Variants in AVIL observed in about 807,000 individuals in gnomAD.
The protein encoded by AVIL is advillin.
In AVIL, 78 loss-of-function variants were observed where a neutral mutation model predicts 109.9. That is an observed-to-expected ratio of 0.71 (90% CI 0.59 to 0.86). AVIL has a LOEUF of 0.86. Among genes scored for constraint, AVIL ranks in the 40% least tolerant of loss-of-function variants. AVIL has a pLI of 0.00. For missense variants in AVIL, 892 were observed against 1,016.5 expected (o/e 0.88, Z 1.67); for synonymous variants, 367 against 379.1 (o/e 0.97, Z 0.37).
Position 57,803,532 on chromosome 12 carries a change from A to C in AVIL, c.1809T>G (p.Asn603Lys). 6.2e-7 allele frequency: 1 copy of C among 1,614,168 alleles called. No individual in the cohort carries two copies. The highest frequency in any genetic ancestry group is 8.5e-7 in the Non-Finnish European group (1 of 1,180,036). The change falls in exon 15 of 20, where the codon AAT becomes AAG. Residue 603 changes from asparagine (N) to lysine (K), a missense_variant. Transcript: ENST00000549994. ...DLLGGKTPYA[N>K]DKRLQQEILD... is the part of the protein sequence containing the mutation. ...AGGCTGTGTTCCCATACCTTTTATC[A>C]TTGGCATAGGGAGTTTTCCCTCCCA... is the stretch of plus-strand genomic sequence containing the variant.
intron 9 of AVIL, 92 bp downstream of exon 9, chr12:57,809,505 G>A: frequency 1.4e-6 from 2 of 1,431,442 alleles, no homozygotes; most frequent in Non-Finnish European, 2.0e-6. Context: ...AATGTTATAT[G>A]CTCAAATACC....
At chr12:57,805,512 A>G (rs1180847624) in intron 14 of AVIL, among the ~76,000 whole-genome samples, 2 of 151,278 alleles carry the variant, frequency 1.3e-5, no homozygotes, top group African/African-American at 4.8e-5. Context: ...GATTTCTGCT[A>G]GGTGTAAGCA....
In AVIL at chr12:57,797,543, G is replaced by GGTATA. The variant is rs1392108072; in HGVS notation, c.*334_*338dup. ...AAAATTGAAAACAAAGGTAGGTCCT[G>GGTATA]GTATAATATTAAACATAAAGTTATT... On this transcript the variant is annotated 3_prime_UTR_variant, in exon 20 of 20. Coordinates refer to ENST00000549994, the MANE Select transcript of AVIL (RefSeq NM_006576.4). The GGTATA allele has an allele frequency of 1.1e-6, 1 of 928,686 alleles. No homozygotes were observed. The highest frequency in any genetic ancestry group is 1.3e-6 in the Non-Finnish European group (1 of 777,682). 57.5% of individuals were successfully genotyped at this position (928,686 alleles called of 1,614,324 possible).
chr12:57,813,430 G>T lies in AVIL; in HGVS notation c.142-7C>A, dbSNP rs1956063227. ...GACTGGCCACTCTCCGGGTCTGGGA[G>T]GTAGTCAGAGAGATCAGGTCAGAGG... On this transcript the variant is annotated splice_polypyrimidine_tract_variant and splice_region_variant and intron_variant, in intron 3 of 19. Transcript: ENST00000549994. The T allele has an allele frequency of 3.1e-6, 5 of 1,612,058 alleles. No individual in the cohort carries two copies. In the South Asian group the frequency reaches 5.5e-5, roughly 18 times the overall value.
intron 4 of AVIL, among the ~76,000 whole-genome samples, chr12:57,811,399 A>G (rs1293897705): frequency 6.6e-6 from 1 of 152,244 alleles, no homozygotes; most frequent in African/African-American, 2.4e-5. Context: ...TCCAGGCACT[A>G]TAACAGTGTC....
intron 4 of AVIL, among the ~76,000 whole-genome samples, chr12:57,812,022 A>T (rs1193884359): frequency 6.6e-6 from 1 of 151,046 alleles, no homozygotes; most frequent in African/African-American, 2.4e-5. Context: ...ACAGGGTCTC[A>T]CTCTGTCACT....
At position 57,811,034 on chromosome 12, in the gene AVIL, G is replaced by A. The variant is rs746873798; in HGVS notation, c.432C>T (p.Asn144=). The A allele has an allele frequency of 1.2e-6, 2 of 1,614,212 alleles. No individual in the cohort carries two copies. Among genetic ancestry groups the A allele is most frequent in the Non-Finnish European group, 1.7e-6 (2 of 1,180,042 alleles). ...KRLLHVKGKR[N]IRATEVEMSW... ...CAGGACTAACCTCGGTAGCCCTGAT[G>A]TTTCTTTTCCCTTTCACATGTAGCA... Residue 144 remains asparagine (N), a synonymous_variant, in exon 5 of 20, where the codon AAC becomes AAT. Transcript: ENST00000549994.
intron 4 of AVIL, among the ~76,000 whole-genome samples, chr12:57,811,364 G>C (rs1956035974): frequency 6.6e-6 from 1 of 152,198 alleles, no homozygotes; most frequent in Non-Finnish European, 1.5e-5. Flanking sequence ...CAAGGAAAAT[G>C]AACCAATACC....
In AVIL at chr12:57,799,809, G is replaced by C. The variant is rs1459350300; in HGVS notation, c.2332C>G (p.Pro778Ala). The part of the protein sequence containing the change: ...QNQELPEDVN[P>A]AKKENYLSEQ... ...CAGCCACTCACCTCCTTTTTGGCAG[G>C]GTTTACATCCTCAGGCAGCTCCTGA... is the stretch of plus-strand genomic sequence containing the variant. Residue 778 changes from proline to alanine, a missense_variant, in exon 19 of 20, where the codon CCT becomes GCT. Coordinates refer to ENST00000549994, the MANE Select transcript of AVIL (RefSeq NM_006576.4). The C allele has an allele frequency of 1.9e-6, 3 of 1,613,890 alleles. No homozygotes were observed. The highest frequency in any genetic ancestry group is 4.5e-5 in the East Asian group (2 of 44,886).
intron 16 of AVIL, chr12:57,802,801 T>G (rs1172477408): frequency 5.2e-6 from 3 of 572,562 alleles, no homozygotes; most frequent in Non-Finnish European, 6.1e-6. Flanking sequence ...GCTGACCAAC[T>G]TTACCTCCTA....
intron 18 of AVIL, chr12:57,800,421 C>G (rs1955822707): frequency 6.5e-6 from 1 of 153,346 alleles, no homozygotes; most frequent in South Asian, 2.0e-4. Context: ...CTGCTGGATT[C>G]CTGGCTAGAG....
chr12:57,808,523 G>C lies in AVIL; in HGVS notation c.965C>G (p.Pro322Arg). The C allele has an allele frequency of 6.2e-7, 1 of 1,614,078 alleles. No homozygotes were observed. Among genetic ancestry groups the C allele is most frequent in the Non-Finnish European group, 8.5e-7 (1 of 1,180,026 alleles). The part of the protein sequence containing the change: ...ALGFIKMKSY[P>R]SSTNVETVND... ...GACGGTCTCCACATTGGTGCTGCTG[G>C]GGTAGCTCTTCATCTTGATGAAGCC... The change falls in exon 10 of 20, where the codon CCC (proline) becomes CGC (arginine). Residue 322 changes from proline to arginine, a missense_variant. Pro to Arg is a moderately radical substitution (Grantham distance 103). Transcript: ENST00000549994.
rs1231963536 is a variant in AVIL at position 57,799,785 on chromosome 12, A to G, written c.2346+10T>C. ...CACTTCCAACAGACACAGTTCCTTC[A>G]GCCACTCACCTCCTTTTTGGCAGGG... On this transcript the variant is annotated intron_variant, in intron 19 of 19. Coordinates refer to ENST00000549994, the MANE Select transcript of AVIL (RefSeq NM_006576.4). The G allele has an allele frequency of 6.2e-7, 1 of 1,613,638 alleles. No individual in the cohort carries two copies. The highest frequency in any genetic ancestry group is 8.5e-7 in the Non-Finnish European group (1 of 1,180,024).
At position 57,802,123 on chromosome 12, in the gene AVIL, G is replaced by A. The variant is rs1955860733; in HGVS notation, c.2151+37C>T. The A allele has an allele frequency of 1.9e-6, 3 of 1,606,594 alleles. No homozygotes were observed. In the East Asian group the frequency reaches 6.7e-5, roughly 36 times the overall value. ...CCCACTGAGCTGTTCTGAGCTACCT[G>A]GCAGGAAGTTAGAGCTTCCCTACTC... On this transcript the variant is annotated intron_variant, in intron 17 of 19. Coordinates refer to ENST00000549994, the MANE Select transcript of AVIL (RefSeq NM_006576.4).
In AVIL at chr12:57,809,669, T is replaced by A. The variant is rs775794521; in HGVS notation, c.867A>T (p.Gly289=). 4.3e-5 allele frequency: 70 copies of A among 1,614,082 alleles called. No individual in the cohort carries two copies. In the South Asian group the frequency reaches 7.7e-4, roughly 18 times the overall value. ...HDDCYILDQS[G]TKIYVWKGKG... is the part of the protein sequence containing the mutation. The stretch of plus-strand genomic sequence containing the variant: ...TTCCTTTCCACACGTAGATTTTGGT[T>A]CCACTTTGGTCCAGGATGTAGCAGT... The change falls in exon 9 of 20, where the codon GGA becomes GGT. Residue 289 remains glycine, a synonymous_variant. Coordinates refer to ENST00000549994, the MANE Select transcript of AVIL (RefSeq NM_006576.4).
At position 57,813,297 on chromosome 12, in the gene AVIL, G is replaced by A. The variant is rs761028517; in HGVS notation, c.268C>T (p.Pro90Ser). Reference protein sequence around the residue: ...TQLDDYLGGSPVQHREVQYHE... With the variant: ...TQLDDYLGGSSVQHREVQYHE... ...TACTGGACCTCTCGGTGCTGCACAG[G>A]GCTGCCTCCCAGGTAGTCGTCCAGC... Residue 90 changes from proline (P) to serine (S), a missense_variant, in exon 4 of 20, where the codon CCT becomes TCT. Transcript: ENST00000549994. 5.3e-5 allele frequency: 86 copies of A among 1,613,878 alleles called. No individual in the cohort carries two copies. Among genetic ancestry groups the A allele is most frequent in the Non-Finnish European group, 6.8e-5 (80 of 1,179,994 alleles).
Position 57,801,179 on chromosome 12 carries a change from G to C in AVIL, c.2185C>G (p.Leu729Val). ...GKTYEQLKEE[L>V]GDAAAIMRIT... ...CGCATGATAGCAGCAGCATCTCCCAGCTCTTCTTTTAATTGTTCATATGTT... is the reference window on the plus strand; with the variant it reads ...CGCATGATAGCAGCAGCATCTCCCACCTCTTCTTTTAATTGTTCATATGTT... The change falls in exon 18 of 20, where the codon CTG (leucine) becomes GTG (valine). Residue 729 changes from leucine (L) to valine (V), a missense_variant. Coordinates refer to ENST00000549994, the MANE Select transcript of AVIL (RefSeq NM_006576.4). The C allele has an allele frequency of 6.2e-7, 1 of 1,613,654 alleles. No individual in the cohort carries two copies. Among genetic ancestry groups the C allele is most frequent in the Non-Finnish European group, 8.5e-7 (1 of 1,179,832 alleles).
At chr12:57,814,050 T>C in intron 3 of AVIL, 102 bp downstream of exon 3, 2 of 1,243,418 alleles carry the variant, frequency 1.6e-6, no homozygotes, top group South Asian at 2.7e-5. Context: ...TTGAGACCGA[T>C]ACCAGGGACT....
Position 57,797,947 on chromosome 12 carries a change from C to T in AVIL, c.2395G>A (p.Gly799Arg), listed in dbSNP as rs1955768949. The T allele has an allele frequency of 1.2e-6, 2 of 1,613,204 alleles. No individual in the cohort carries two copies. Among genetic ancestry groups the T allele is most frequent in the South Asian group, 1.1e-5 (1 of 90,958 alleles). Residue 799 changes from glycine to arginine, a missense_variant, in exon 20 of 20, where the codon GGG (glycine) becomes AGG (arginine). Coordinates refer to ENST00000549994, the MANE Select transcript of AVIL (RefSeq NM_006576.4). ...CAGCCAGGCAGAGCTGCAAATTGCC[C>T]TCTTGTGATGCCAAACACAGACACA... ...DFVSVFGITR[G>R]QFAALPGWKQ...
Sources: gnomAD v4.1 joint callset for allele counts (sites outside exome capture counted in the v4.1 genomes callset) on GRCh38, gnomAD v4.1.1 for gene constraint, MANE v1.5 for transcripts, NCBI Gene and HGNC (gene_info 2026-07-23, HGNC 2026-07-21) for gene names.